The following WWTR1 variants were observed in gnomAD, a reference collection of about 807,000 sequenced individuals.
The protein encoded by WWTR1 is WW domain containing transcription regulator 1.
A neutral mutation model predicts 40.1 loss-of-function variants in WWTR1; 13 were observed. The observed-to-expected ratio is 0.32, with a 90% CI of 0.21 to 0.52. The LOEUF (loss-of-function observed/expected upper bound fraction) is 0.52, where lower values mean the gene tolerates loss of function less well. Ranked by LOEUF, WWTR1 falls within the 20% of genes least tolerant of loss-of-function variation. The pLI is 0.97. For missense variants in WWTR1, 436 were observed against 523.1 expected (o/e 0.83, Z 1.63); for synonymous variants, 230 against 210.1 (o/e 1.09, Z -0.82).
intron 1 of WWTR1, among the ~76,000 whole-genome samples, chr3:149,678,057 C>CA (rs921379085): frequency 1.9e-4 from 29 of 152,196 alleles, no homozygotes; most frequent in Admixed American, 1.8e-3. Flanking sequence ...AGGCGGGGGC[C>CA]ACCACACCCA....
intron 2 of WWTR1, among the ~76,000 whole-genome samples, chr3:149,581,094 T>G (rs1738135726): frequency 6.6e-6 from 1 of 152,242 alleles, no homozygotes; most frequent in Admixed American, 6.5e-5. Context: ...CTAGAAACCC[T>G]AATCAATCTT....
rs1734980969 is a variant in WWTR1 at position 149,520,250 on chromosome 3, TC to T, written c.*554del. On this transcript the variant is annotated 3_prime_UTR_variant, in exon 7 of 7. Transcript: ENST00000360632. ...AAGAGCCATCAGAGCCAGCATGGAT[TC>T]AAAATTACATTGTATTCCATACAGT... is the stretch of plus-strand genomic sequence containing the variant. 6.6e-6 allele frequency: 1 copy of T among 152,260 alleles called. No individual in the cohort carries two copies. Among genetic ancestry groups the T allele is most frequent in the Non-Finnish European group, 1.5e-5 (1 of 68,050 alleles). The allele number at this position is 152,260 out of a possible 1,614,324, so 9.4% of individuals were successfully genotyped here.
chr3:149,550,756 T>A (rs1310209008), intron 3 of WWTR1, among the ~76,000 whole-genome samples: 1 of 147,146 alleles, frequency 6.8e-6, no homozygotes, highest in Non-Finnish European at 1.5e-5. Flanking sequence ...GCAAGGGTTA[T>A]AAAAGACTGC....
chr3:149,591,519 T>A (rs1738723324), intron 2 of WWTR1, among the ~76,000 whole-genome samples: 1 of 152,232 alleles, frequency 6.6e-6, no homozygotes, highest in Admixed American at 6.5e-5. Context: ...TAACCAGCCT[T>A]TATAATTGAC....
chr3:149,574,383 G>A (rs1323551229), intron 2 of WWTR1, among the ~76,000 whole-genome samples: 1 of 152,140 alleles, frequency 6.6e-6, no homozygotes, highest in African/African-American at 2.4e-5. Flanking sequence ...CAACAAACAT[G>A]ATAGAAGAAA....
At chr3:149,610,432 A>C (rs1226490973) in intron 2 of WWTR1, among the ~76,000 whole-genome samples, 1 of 152,188 alleles carries the variant, frequency 6.6e-6, no homozygotes, top group African/African-American at 2.4e-5. Flanking sequence ...TTACATCATG[A>C]ACCCAGCTCT....
At chr3:149,708,391 C>T (rs1266931508) in intron 5 of WWTR1, among the ~76,000 whole-genome samples, 2 of 152,114 alleles carry the variant, frequency 1.3e-5, no homozygotes, top group African/African-American at 2.4e-5. Flanking sequence ...AGTACATTCA[C>T]GTTGTACAAC....
chr3:149,564,160 C>T (rs1397663155), intron 3 of WWTR1, among the ~76,000 whole-genome samples: 1 of 152,214 alleles, frequency 6.6e-6, no homozygotes, highest in Non-Finnish European at 1.5e-5. Context: ...CATTTACTGA[C>T]ACAGAAATTT....
intron 2 of WWTR1, among the ~76,000 whole-genome samples, chr3:149,577,176 C>A (rs1448424942): frequency 2.0e-5 from 3 of 152,044 alleles, no homozygotes; most frequent in Non-Finnish European, 2.9e-5. Context: ...AACAAACAAA[C>A]AAACAAAAAG....
chr3:149,545,633 T>C lies in WWTR1; in HGVS notation c.569-3096A>G, dbSNP rs149154952. 6.7e-3 allele frequency among the ~76,000 whole-genome samples: 1,025 copies of C among 152,278 alleles called. 4 individuals are homozygous for C. Among genetic ancestry groups the C allele is most frequent in the Non-Finnish European group, 0.011 (774 of 68,020 alleles). On this transcript the variant is annotated intron_variant, in intron 3 of 6. Transcript: ENST00000360632. ...GCCTCCCGGTTTCAAGAGATTCTCC[T>C]GTCTTAGCCTCCCGAGTAGCTAGGA...
At chr3:149,537,441 T>G (rs1735888531) in intron 4 of WWTR1, among the ~76,000 whole-genome samples, 1 of 152,076 alleles carries the variant, frequency 6.6e-6, no homozygotes, top group Admixed American at 6.5e-5. Context: ...TAGAAAGAAA[T>G]CATCAGCATA....
intron 2 of WWTR1, among the ~76,000 whole-genome samples, chr3:149,628,347 C>T (rs1053603092): frequency 6.6e-6 from 1 of 152,198 alleles, no homozygotes. Flanking sequence ...CCAGCCTGGG[C>T]AACAGAGCGA....
intron 4 of WWTR1, chr3:149,540,989 T>C (rs1259287110): frequency 4.4e-6 from 2 of 454,492 alleles, no homozygotes; most frequent in Non-Finnish European, 8.8e-6. Flanking sequence ...AAGTATCAAA[T>C]GTAGCTTTAA....
At chr3:149,585,494 A>G (rs1649104854) in intron 2 of WWTR1, among the ~76,000 whole-genome samples, 1 of 152,178 alleles carries the variant, frequency 6.6e-6, no homozygotes, top group Non-Finnish European at 1.5e-5. Context: ...AGACAAAAAT[A>G]TTCTTAAAAC....
intron 4 of WWTR1, among the ~76,000 whole-genome samples, chr3:149,722,294 A>C (rs1167210592): frequency 3.4e-5 from 5 of 148,438 alleles, no homozygotes; most frequent in Non-Finnish European, 7.5e-5. Context: ...CTTTGGGTTT[A>C]GTTTCTTTTA....
intron 1 of WWTR1, among the ~76,000 whole-genome samples, chr3:149,697,209 C>T (rs1440427034): frequency 6.7e-6 from 1 of 150,088 alleles, no homozygotes; most frequent in Non-Finnish European, 1.5e-5. Context: ...ATCTGCTCAG[C>T]TTCTGGTGAG....
chr3:149,677,811 G>T (rs1714320594), intron 1 of WWTR1, among the ~76,000 whole-genome samples: 3 of 151,714 alleles, frequency 2.0e-5, no homozygotes, highest in Admixed American at 2.0e-4. Context: ...CTGCTCTCCA[G>T]CCTGGGTGAC....
chr3:149,610,285 G>C (rs554858365), intron 2 of WWTR1, among the ~76,000 whole-genome samples: 1 of 152,154 alleles, frequency 6.6e-6, no homozygotes. Context: ...ATTTTAAAAT[G>C]TAATGATGTT....
At chr3:149,594,909 T>C (rs1462567625) in intron 2 of WWTR1, among the ~76,000 whole-genome samples, 1 of 151,106 alleles carries the variant, frequency 6.6e-6, no homozygotes, top group Non-Finnish European at 1.5e-5. Flanking sequence ...CATTCTAAAG[T>C]ACTTAGGGAA....
Sources: gnomAD v4.1 joint callset for allele counts (sites outside exome capture counted in the v4.1 genomes callset) on GRCh38, gnomAD v4.1.1 for gene constraint, MANE v1.5 for transcripts, NCBI Gene and HGNC (gene_info 2026-07-23, HGNC 2026-07-21) for gene names.